Variants in PID1 observed in about 807,000 individuals in gnomAD.
PID1 encodes PTB-containing, cubilin and LRP1-interacting protein.
In PID1, 10 loss-of-function variants were observed where a neutral mutation model predicts 19.1. The observed-to-expected ratio is 0.52, with a 90% CI of 0.32 to 0.89. PID1 has a LOEUF of 0.89. Ranked by LOEUF, PID1 falls within the 40% of genes least tolerant of loss-of-function variation. The probability of loss-of-function intolerance (pLI) is 0.03; values close to 1 mark genes in which losing one functional copy is unlikely to be tolerated. For missense variants in PID1, 248 were observed against 285.3 expected, an observed-to-expected ratio of 0.87 and a Z score of 0.94; for synonymous variants, 130 against 116.0, an observed-to-expected ratio of 1.12 and a Z score of -0.78.
intron 2 of PID1, among the ~76,000 whole-genome samples, chr2:229,134,811 T>C (rs749083698): frequency 6.6e-6 from 1 of 152,194 alleles, no homozygotes; most frequent in African/African-American, 2.4e-5. Flanking sequence ...CCAAGAGATA[T>C]GCCATACTTA....
chr2:229,149,932 G>C (rs901242944), intron 2 of PID1, among the ~76,000 whole-genome samples: 1 of 152,028 alleles, frequency 6.6e-6, no homozygotes, highest in Non-Finnish European at 1.5e-5. Flanking sequence ...AGAAAGGAAG[G>C]GGAGCACAAA....
At chr2:229,092,731 C>G (rs1479058378) in intron 2 of PID1, among the ~76,000 whole-genome samples, 1 of 152,170 alleles carries the variant, frequency 6.6e-6, no homozygotes, top group Non-Finnish European at 1.5e-5. Context: ...TCCCAGAAAA[C>G]CAAAGAACTT....
rs1371814834 is a variant in PID1 at position 229,134,260 on chromosome 2, A to G, written c.177+21558T>C. On this transcript the variant is annotated intron_variant, in intron 2 of 2. Transcript: ENST00000392055. ...TTTTTTTTTTTTTTTTTTGAGACAG[A>G]GTCTTGCACTGTCACCCAGGCTGGA... is the stretch of plus-strand genomic sequence containing the variant. Among the ~76,000 whole-genome samples, 8 of 110,886 alleles carry G rather than the reference A, an allele frequency of 7.2e-5. No homozygotes were observed. The Admixed American group carries it at 7.3e-4, about 10-fold the overall frequency. 72.7% of individuals were successfully genotyped at this position (110,886 alleles called of 152,430 possible).
chr2:229,053,851 C>T (rs540092760), intron 2 of PID1, among the ~76,000 whole-genome samples: 1 of 152,198 alleles, frequency 6.6e-6, no homozygotes, highest in Non-Finnish European at 1.5e-5. Context: ...TCAGTCAAGA[C>T]AGAGTCATGA....
chr2:229,212,980 C>T (rs1691770847), intron 1 of PID1, among the ~76,000 whole-genome samples: 2 of 152,016 alleles, frequency 1.3e-5, no homozygotes, highest in South Asian at 4.2e-4. Flanking sequence ...CCTTTTGTAA[C>T]CAACAAAAAT....
At chr2:229,057,752 C>T (rs1265304367) in intron 2 of PID1, among the ~76,000 whole-genome samples, 1 of 152,146 alleles carries the variant, frequency 6.6e-6, no homozygotes, top group East Asian at 1.9e-4. Flanking sequence ...TTTGTTTCAA[C>T]TTTCCAGGGA....
intron 1 of PID1, among the ~76,000 whole-genome samples, chr2:229,161,378 G>A (rs1415728875): frequency 1.3e-5 from 2 of 152,024 alleles, no homozygotes; most frequent in South Asian, 2.1e-4. Flanking sequence ...ATCCATCCAG[G>A]GACCCACCTA....
intron 1 of PID1, among the ~76,000 whole-genome samples, chr2:229,221,605 T>A (rs1344023149): frequency 3.9e-5 from 6 of 152,174 alleles, no homozygotes. Flanking sequence ...TCTTCTTTCC[T>A]CCTGATATTC....
intron 1 of PID1, among the ~76,000 whole-genome samples, chr2:229,213,874 C>G (rs181747102): frequency 6.6e-6 from 1 of 152,146 alleles, no homozygotes; most frequent in Non-Finnish European, 1.5e-5. Context: ...AATCAAATAC[C>G]ACAAACAACT....
At position 229,173,821 on chromosome 2, in the gene PID1, G is replaced by A. The variant is rs114468288; in HGVS notation, c.31-17857C>T. Reference sequence around the variant, plus strand: ...GCAGTGGAATTAACACCCCCTGGAAGCCCCAGTTCTCAATCAATGAGTAGC... The same window carrying A: ...GCAGTGGAATTAACACCCCCTGGAAACCCCAGTTCTCAATCAATGAGTAGC... On this transcript the variant is annotated intron_variant, in intron 1 of 2. Transcript: ENST00000392055. 2.6e-3 allele frequency among the ~76,000 whole-genome samples: 400 copies of A among 152,264 alleles called. 4 individuals carry two copies. The highest frequency in any genetic ancestry group is 9.2e-3 in the African/African-American group (381 of 41,556).
At chr2:229,235,452 G>C (rs1692304357) in intron 1 of PID1, among the ~76,000 whole-genome samples, 1 of 152,146 alleles carries the variant, frequency 6.6e-6, no homozygotes, top group South Asian at 2.1e-4. Flanking sequence ...GGACACAAGA[G>C]AGCGAATGGT....
At chr2:229,261,485 G>A (rs1401042021) in intron 1 of PID1, among the ~76,000 whole-genome samples, 1 of 152,206 alleles carries the variant, frequency 6.6e-6, no homozygotes, top group East Asian at 1.9e-4. Context: ...GCTCTCACCT[G>A]AGGAAAAGTA....
chr2:229,200,138 C>T (rs11682904), intron 1 of PID1, among the ~76,000 whole-genome samples: 2 of 151,928 alleles, frequency 1.3e-5, no homozygotes, highest in Non-Finnish European at 2.9e-5. Flanking sequence ...CTGCTGCACT[C>T]CCCCGACTCA....
intron 2 of PID1, among the ~76,000 whole-genome samples, chr2:229,149,330 C>T (rs887180305): frequency 2.0e-5 from 3 of 152,038 alleles, no homozygotes; most frequent in African/African-American, 4.8e-5. Context: ...AATTGATCAA[C>T]GGAACCCAAA....
At chr2:229,234,291 A>G (rs1210702882) in intron 1 of PID1, among the ~76,000 whole-genome samples, 4 of 152,186 alleles carry the variant, frequency 2.6e-5, no homozygotes, top group Non-Finnish European at 5.9e-5. Flanking sequence ...TCCTTAAAGT[A>G]TGGGCATTAT....
chr2:229,259,173 C>T (rs1182776706), intron 1 of PID1, among the ~76,000 whole-genome samples: 1 of 151,304 alleles, frequency 6.6e-6, no homozygotes, highest in Non-Finnish European at 1.5e-5. Context: ...CAGGTATAGA[C>T]CTTCTTAGTT....
At chr2:229,208,901 G>T (rs1691665073) in intron 1 of PID1, among the ~76,000 whole-genome samples, 1 of 152,106 alleles carries the variant, frequency 6.6e-6, no homozygotes, top group South Asian at 2.1e-4. Context: ...AGGAGCCCTG[G>T]TGTAAGATGA....
At chr2:229,032,821 T>C (rs762723135) in intron 2 of PID1, among the ~76,000 whole-genome samples, 10 of 152,154 alleles carry the variant, frequency 6.6e-5, no homozygotes, top group Non-Finnish European at 1.5e-4. Context: ...TGTGTGTAAA[T>C]GGACCTGCCC....
intron 2 of PID1, among the ~76,000 whole-genome samples, chr2:229,095,089 C>T (rs923334845): frequency 2.4e-4 from 36 of 152,278 alleles, no homozygotes; most frequent in South Asian, 2.1e-3. Context: ...AGTCCCACTT[C>T]TAAGGATAGC....
Sources: gnomAD v4.1 joint callset for allele counts (sites outside exome capture counted in the v4.1 genomes callset) on GRCh38, gnomAD v4.1.1 for gene constraint, MANE v1.5 for transcripts, NCBI Gene and HGNC (gene_info 2026-07-23, HGNC 2026-07-21) for gene names.